SYN2: variants seen among roughly 807,000 people sequenced by gnomAD.
The protein encoded by SYN2 is synapsin-2.
SYN2 carries 19 observed loss-of-function variants against 50.9 expected under a neutral mutation model. That is an observed-to-expected ratio of 0.37 (90% CI 0.26 to 0.55). The LOEUF (loss-of-function observed/expected upper bound fraction) is 0.55. Among genes scored for constraint, SYN2 ranks in the 20% least tolerant of loss-of-function variants. SYN2 has a pLI of 0.81. For missense variants in SYN2, 587 were observed against 576.4 expected (o/e 1.02, Z -0.19); for synonymous variants, 255 against 224.9 (o/e 1.13, Z -1.20).
chr3:12,170,415 CTT>C (rs1211899575), intron 10 of SYN2, among the ~76,000 whole-genome samples: 1 of 152,204 alleles, frequency 6.6e-6, no homozygotes, highest in Non-Finnish European at 1.5e-5. Flanking sequence ...AATTAGAAAT[CTT>C]TCTTTCCTAA....
At chr3:12,047,787 GA>G (rs1335604838) in intron 1 of SYN2, among the ~76,000 whole-genome samples, 14 of 152,186 alleles carry the variant, frequency 9.2e-5, no homozygotes, top group African/African-American at 3.4e-4. Context: ...TGTAAAACAG[GA>G]AGCAGTGTTC....
chr3:12,072,272 C>T (rs1695372509), intron 1 of SYN2, among the ~76,000 whole-genome samples: 1 of 152,010 alleles, frequency 6.6e-6, no homozygotes, highest in African/African-American at 2.4e-5. Flanking sequence ...ATATTTTCTC[C>T]TGTTCTATGA....
chr3:12,106,359 A>G (rs1040466654), intron 1 of SYN2, among the ~76,000 whole-genome samples: 1 of 152,154 alleles, frequency 6.6e-6, no homozygotes, highest in African/African-American at 2.4e-5. Context: ...TTATAGTCAA[A>G]TCTGTCTTGT....
chr3:12,100,379 C>T (rs374621764), intron 1 of SYN2, among the ~76,000 whole-genome samples: 5 of 152,044 alleles, frequency 3.3e-5, no homozygotes, highest in South Asian at 2.1e-4. Context: ...CAAAATAATT[C>T]GATGAAGGAA....
At chr3:12,185,617 G>A (rs1412772141) in intron 11 of SYN2, 1 of 985,554 alleles carries the variant, frequency 1.0e-6, no homozygotes, top group Non-Finnish European at 1.2e-6. Context: ...CCCTTTTTTT[G>A]TACTGATCCA....
At chr3:12,187,927 T>A (rs13340134) in intron 12 of SYN2, among the ~76,000 whole-genome samples, 10,154 of 152,168 alleles carry the variant, frequency 0.067, 1,100 homozygotes, top group African/African-American at 0.23. Flanking sequence ...CTGTCCCTTC[T>A]CTAGTCTTGT....
chr3:12,189,780 C>T (rs1470234992), intron 12 of SYN2, among the ~76,000 whole-genome samples: 2 of 144,248 alleles, frequency 1.4e-5, no homozygotes, highest in Non-Finnish European at 3.0e-5. Context: ...CCAGCCTTTG[C>T]GACAGAGATT....
intron 1 of SYN2, among the ~76,000 whole-genome samples, chr3:12,132,025 C>A (rs1181615419): frequency 7.1e-6 from 1 of 140,652 alleles, no homozygotes. Context: ...TTTTCTTTTT[C>A]TTTTTTTTCT....
intron 1 of SYN2, among the ~76,000 whole-genome samples, chr3:12,041,511 G>T (rs779166008): frequency 6.6e-6 from 1 of 152,202 alleles, no homozygotes; most frequent in Admixed American, 6.5e-5. Context: ...ACCCTAAGAT[G>T]TAGAATTCTT....
rs755846014 is a variant in SYN2, at chr3:12,008,247, T to C, written c.377+3319T>C. On this transcript the variant is annotated intron_variant, in intron 1 of 12. Transcript: ENST00000621198. ...TTTTCATCCTGGCATGATGTTTCAG[T>C]GTTTGATTCAGTATAGCACAGGTAC... 3.9e-5 allele frequency among the ~76,000 whole-genome samples: 6 copies of C among 152,292 alleles called. No individual in the cohort carries two copies. In the South Asian group the frequency reaches 1.2e-3, roughly 32 times the overall value.
chr3:12,082,223 A>G (rs911333798), intron 1 of SYN2, among the ~76,000 whole-genome samples: 9 of 152,240 alleles, frequency 5.9e-5, no homozygotes, highest in African/African-American at 2.2e-4. Context: ...CTAAGTTGTG[A>G]CAAGGGTGAT....
At chr3:12,099,747 G>A (rs1027078546) in intron 1 of SYN2, among the ~76,000 whole-genome samples, 1 of 151,964 alleles carries the variant, frequency 6.6e-6, no homozygotes, top group African/African-American at 2.4e-5. Context: ...GGCGGATCAC[G>A]AGGTCAGGAG....
At chr3:12,107,690 G>A (rs1294578884) in intron 1 of SYN2, among the ~76,000 whole-genome samples, 1 of 152,182 alleles carries the variant, frequency 6.6e-6, no homozygotes, top group Non-Finnish European at 1.5e-5. Flanking sequence ...GATTGCTTGA[G>A]CTCAGGAGTT....
chr3:12,016,500 CAACT>C (rs1232166214), intron 1 of SYN2, among the ~76,000 whole-genome samples: 1 of 152,172 alleles, frequency 6.6e-6, no homozygotes, highest in African/African-American at 2.4e-5. Context: ...TGTACTCTGC[CAACT>C]AACTTTTTGT....
At chr3:12,052,423 A>G (rs1035581563) in intron 1 of SYN2, among the ~76,000 whole-genome samples, 5 of 152,198 alleles carry the variant, frequency 3.3e-5, no homozygotes, top group African/African-American at 1.2e-4. Context: ...ATAAAGTTAC[A>G]TTAGAATTTA....
rs1033284265 is a variant in SYN2 at position 12,158,273 on chromosome 3, G to A, written c.775-3273G>A. ...CATTCCAGGCAGAGGGAAGAGAAAGGACAGAACGTGTGTGTTGCCATAGGG... is the reference window on the plus strand; with the variant it reads ...CATTCCAGGCAGAGGGAAGAGAAAGAACAGAACGTGTGTGTTGCCATAGGG... On this transcript the variant is annotated intron_variant, in intron 5 of 12. Transcript: ENST00000621198. Among the ~76,000 whole-genome samples the A allele has an allele frequency of 3.9e-5, 6 of 152,186 alleles. No homozygotes were observed. The East Asian group carries it at 1.2e-3, about 29-fold the overall frequency.
At chr3:12,036,059 G>T (rs1422848472) in intron 1 of SYN2, among the ~76,000 whole-genome samples, 1 of 152,164 alleles carries the variant, frequency 6.6e-6, no homozygotes, top group Admixed American at 6.5e-5. Context: ...AGCCAGCTAG[G>T]TGCCTGGAAT....
intron 1 of SYN2, among the ~76,000 whole-genome samples, chr3:12,088,772 T>C (rs947523823): frequency 1.3e-5 from 2 of 152,152 alleles, no homozygotes; most frequent in Non-Finnish European, 2.9e-5. Context: ...CTGTGTTATG[T>C]GAAAGAAGCC....
intron 1 of SYN2, among the ~76,000 whole-genome samples, chr3:12,051,240 T>C (rs1430000131): frequency 1.3e-5 from 2 of 152,158 alleles, no homozygotes; most frequent in African/African-American, 2.4e-5. Flanking sequence ...CAAAAAATTA[T>C]AGCTTTCTAA....
Sources: gnomAD v4.1 joint callset for allele counts (sites outside exome capture counted in the v4.1 genomes callset) on GRCh38, gnomAD v4.1.1 for gene constraint, MANE v1.5 for transcripts, NCBI Gene and HGNC (gene_info 2026-07-23, HGNC 2026-07-21) for gene names.